LINC00632: variants seen among roughly 807,000 people sequenced by gnomAD.
LINC00632 encodes long independently transcribed non-coding RNA 632, also known as ALDOA related specific transcript.
intron 3 of LINC00632, among the ~76,000 whole-genome samples, chrX:140,762,965 T>G (rs1195138818): frequency 8.9e-6 from 1 of 112,290 alleles, no homozygotes; most frequent in Non-Finnish European, 1.9e-5. Flanking sequence ...CTCCTTAATC[T>G]ATATATTTAT....
chrX:140,752,193 C>T (rs1347527441), intron 3 of LINC00632, among the ~76,000 whole-genome samples: 1 of 111,891 alleles, frequency 8.9e-6, no homozygotes, highest in Admixed American at 9.6e-5. Flanking sequence ...TCCCTTCCAC[C>T]ATGAGCAAGA....
At chrX:140,771,606 CAT>C (rs35839527) in intron 3 of LINC00632, among the ~76,000 whole-genome samples, 985 of 55,490 alleles carry the variant, frequency 0.018, 17 homozygotes, top group African/African-American at 0.069. Flanking sequence ...GGCAATTTGG[CAT>C]ATATACACAC....
exon 5 of LINC00632, among the ~76,000 whole-genome samples, chrX:140,775,091 G>A (rs1931855605): frequency 9.0e-6 from 1 of 111,706 alleles, no homozygotes; most frequent in African/African-American, 3.3e-5. Flanking sequence ...TCCTTTGGTA[G>A]CTAATCAAGG....
At chrX:140,784,660 G>A in exon 5 of LINC00632, 1 of 376,721 alleles carries the variant, frequency 2.7e-6, no homozygotes, top group Non-Finnish European at 4.7e-6. Flanking sequence ...CAATATCCAG[G>A]TATTCTAACA....
intron 3 of LINC00632, among the ~76,000 whole-genome samples, chrX:140,736,700 G>A (rs1417366389): frequency 1.8e-5 from 2 of 108,730 alleles, no homozygotes; most frequent in Non-Finnish European, 3.8e-5. Context: ...CTCCCAAAGT[G>A]CTGGCATTAT....
At chrX:140,713,472 G>C in intron 2 of LINC00632, 1 of 328,181 alleles carries the variant, frequency 3.0e-6, no homozygotes, top group East Asian at 9.8e-5. Context: ...ACAGTGTCTG[G>C]CACATAGTAA....
In LINC00632 at chrX:140,770,717, A is replaced by G. The variant is rs781305752; in HGVS notation, n.192-1361A>G. Among the ~76,000 whole-genome samples, 303 of 111,727 alleles carry G rather than the reference A, an allele frequency of 2.7e-3. 1 individual carries two copies. The highest frequency in any genetic ancestry group is 9.2e-3 in the African/African-American group (282 of 30,753). On this transcript the variant is annotated intron_variant and non_coding_transcript_variant, in intron 3 of 4. Coordinates refer to ENST00000648200, the Ensembl canonical transcript of LINC00632. ...CCGAATGTCATCTAACAGCCTACTC[A>G]TGCTCCGATTCCCTCAGTTCTTCCA...
intron 3 of LINC00632, among the ~76,000 whole-genome samples, chrX:140,738,330 C>T (rs1404572272): frequency 9.0e-6 from 1 of 111,556 alleles, no homozygotes; most frequent in African/African-American, 3.3e-5. Context: ...TAACAGTAGC[C>T]TAGTGTGAAG....
At position 140,719,617 on chromosome X, in the gene LINC00632, C is replaced by A. The variant is rs186375146; in HGVS notation, n.104+7961C>A. Among the ~76,000 whole-genome samples the A allele has an allele frequency of 2.1e-3, 226 of 109,179 alleles. 1 individual carries two copies. Among genetic ancestry groups the A allele is most frequent in the African/African-American group, 7.2e-3 (218 of 30,122 alleles). 94.8% of individuals were successfully genotyped at this position (109,179 alleles called of 115,157 possible). A position where few individuals can be genotyped will look rare whatever the true frequency, so the allele number is the denominator to read the frequency against. On this transcript the variant is annotated intron_variant and non_coding_transcript_variant, in intron 2 of 4. Coordinates refer to ENST00000648200, the Ensembl canonical transcript of LINC00632. Reference sequence around the variant, plus strand: ...GGCCTCAGTCTCTCCTTTTAACACACAGACTGGCCACACAAAATAGCTTCT... The same window carrying A: ...GGCCTCAGTCTCTCCTTTTAACACAAAGACTGGCCACACAAAATAGCTTCT...
At chrX:140,761,841 T>C (rs1931599015) in intron 3 of LINC00632, among the ~76,000 whole-genome samples, 1 of 111,347 alleles carries the variant, frequency 9.0e-6, no homozygotes, top group South Asian at 3.8e-4. Context: ...CTCAAGGGAG[T>C]TTCCCAAAAT....
intron 3 of LINC00632, among the ~76,000 whole-genome samples, chrX:140,766,696 T>A (rs1931697022): frequency 8.9e-6 from 1 of 112,209 alleles, no homozygotes; most frequent in Admixed American, 9.5e-5. Flanking sequence ...AGTGGGAATT[T>A]AAAAATTAAC....
At chrX:140,717,071 G>T (rs181046588) in intron 2 of LINC00632, among the ~76,000 whole-genome samples, 1 of 109,250 alleles carries the variant, frequency 9.2e-6, no homozygotes, top group Non-Finnish European at 1.9e-5. Context: ...TGCAGCCTCC[G>T]CCTCCCAGGT....
intron 2 of LINC00632, among the ~76,000 whole-genome samples, chrX:140,731,663 T>G (rs1375721650): frequency 8.9e-6 from 1 of 111,888 alleles, no homozygotes; most frequent in East Asian, 2.8e-4. Flanking sequence ...CGTGAATATA[T>G]GTATATTATG....
At chrX:140,748,549 CTTA>C (rs887214486) in intron 3 of LINC00632, among the ~76,000 whole-genome samples, 3 of 110,799 alleles carry the variant, frequency 2.7e-5, no homozygotes, top group Non-Finnish European at 3.8e-5. Context: ...AATGAAACAT[CTTA>C]TTATTGAGTG....
At chrX:140,785,730 T>A (rs1327310373) in exon 5 of LINC00632, among the ~76,000 whole-genome samples, 1 of 111,870 alleles carries the variant, frequency 8.9e-6, no homozygotes, top group Admixed American at 9.5e-5. Context: ...AGCACTGAGT[T>A]CAATTACCCT....
intron 2 of LINC00632, among the ~76,000 whole-genome samples, chrX:140,718,928 T>C (rs1298757629): frequency 9.0e-6 from 1 of 111,497 alleles, no homozygotes; most frequent in Non-Finnish European, 1.9e-5. Context: ...AACACCACAT[T>C]GGCTCCACAA....
intron 2 of LINC00632, chrX:140,711,888 A>G (rs1289107890): frequency 7.7e-6 from 1 of 130,349 alleles, no homozygotes; most frequent in Non-Finnish European, 1.6e-5. Context: ...ATTTTTTTCT[A>G]GTTATTTAAT....
intron 3 of LINC00632, among the ~76,000 whole-genome samples, chrX:140,749,240 A>G (rs191755798): frequency 1.8e-5 from 2 of 111,764 alleles, no homozygotes; most frequent in East Asian, 5.6e-4. Context: ...ACAACCCTGT[A>G]ACATTTCATA....
At chrX:140,773,058 C>G (rs1238065003) in exon 4 of LINC00632, among the ~76,000 whole-genome samples, 1 of 111,376 alleles carries the variant, frequency 9.0e-6, no homozygotes, top group Non-Finnish European at 1.9e-5. Context: ...CTCAGCTACT[C>G]AGGAGGCTGA....
Sources: gnomAD v4.1 joint callset for allele counts (sites outside exome capture counted in the v4.1 genomes callset) on GRCh38, gnomAD v4.1.1 for gene constraint, MANE v1.5 for transcripts, NCBI Gene and HGNC (gene_info 2026-07-23, HGNC 2026-07-21) for gene names.